Variants in DOCK4 observed in about 807,000 individuals in gnomAD.
The protein encoded by DOCK4 is dedicator of cytokinesis protein 4.
In DOCK4, 97 loss-of-function variants were observed where a neutral mutation model predicts 268.1. That is an observed-to-expected ratio of 0.36 (90% confidence interval 0.31 to 0.43). The LOEUF (loss-of-function observed/expected upper bound fraction) is 0.43, where lower values mean the gene tolerates loss of function less well. DOCK4 is among the 20% of genes least tolerant of loss of function. The probability of loss-of-function intolerance (pLI) is 1.00; values close to 1 mark genes in which losing one functional copy is unlikely to be tolerated. For missense variants in DOCK4, 2,145 were observed against 2,455.7 expected (o/e 0.87, Z 2.67); for synonymous variants, 954 against 887.2 (o/e 1.08, Z -1.34).
At chr7:112,127,164 T>C (rs1813300190) in intron 1 of DOCK4, among the ~76,000 whole-genome samples, 1 of 151,204 alleles carries the variant, frequency 6.6e-6, no homozygotes, top group African/African-American at 2.4e-5. Flanking sequence ...CCAACCCAAA[T>C]GTCCAACAAT....
At chr7:111,925,451 T>C (rs1793526839) in intron 12 of DOCK4, among the ~76,000 whole-genome samples, 1 of 152,098 alleles carries the variant, frequency 6.6e-6, no homozygotes, top group African/African-American at 2.4e-5. Flanking sequence ...AGTGAGACAA[T>C]ACTATCGGAA....
intron 8 of DOCK4, among the ~76,000 whole-genome samples, chr7:111,963,288 T>G (rs1242351459): frequency 6.8e-6 from 1 of 147,640 alleles, no homozygotes; most frequent in South Asian, 2.2e-4. Flanking sequence ...CATTTCCATC[T>G]GAGGTACCGG....
intron 1 of DOCK4, among the ~76,000 whole-genome samples, chr7:112,139,699 T>C (rs927275673): frequency 2.6e-5 from 4 of 152,150 alleles, no homozygotes; most frequent in Non-Finnish European, 4.4e-5. Context: ...CATATACATA[T>C]AGTCAAGGTG....
intron 3 of DOCK4, 86 bp from the exon 4 acceptor site, chr7:111,998,589 A>G: frequency 1.1e-6 from 1 of 906,934 alleles, no homozygotes; most frequent in Non-Finnish European, 1.6e-6. Flanking sequence ...ACAGCCATAC[A>G]ACCATGACAA....
intron 1 of DOCK4, 52 bp downstream of exon 1, chr7:112,206,050 G>A (rs1292086500): frequency 6.5e-7 from 1 of 1,547,540 alleles, no homozygotes; most frequent in Non-Finnish European, 8.8e-7. Context: ...GACGAGAAAT[G>A]CGCACTCGCT....
intron 1 of DOCK4, among the ~76,000 whole-genome samples, chr7:112,091,492 G>T (rs1481554969): frequency 1.3e-5 from 2 of 152,108 alleles, no homozygotes; most frequent in African/African-American, 4.8e-5. Context: ...CTGAAAACAG[G>T]CTTTTAGAAT....
chr7:112,042,792 C>T lies in DOCK4; in HGVS notation c.38-38661G>A, dbSNP rs534094835. ...TTGAAATGTGATTGCCATCATGGCA[C>T]GGTTGGGAGGTGGTGGGGCCTTCAA... On this transcript the variant is annotated intron_variant, in intron 1 of 52. Coordinates refer to ENST00000428084, the MANE Select transcript of DOCK4 (RefSeq NM_001363540.2). 5.3e-5 allele frequency among the ~76,000 whole-genome samples: 8 copies of T among 152,228 alleles called. No individual in the cohort carries two copies. The South Asian group carries it at 1.2e-3, about 24-fold the overall frequency.
chr7:111,733,901 T>C (rs1474385206), intron 51 of DOCK4, among the ~76,000 whole-genome samples: 2 of 152,200 alleles, frequency 1.3e-5, no homozygotes, highest in Admixed American at 1.3e-4. Context: ...GTGACTTGAC[T>C]TTTGGCTTTG....
intron 13 of DOCK4, among the ~76,000 whole-genome samples, chr7:111,914,448 A>G (rs1792413505): frequency 6.6e-6 from 1 of 152,180 alleles, no homozygotes; most frequent in African/African-American, 2.4e-5. Flanking sequence ...CAAAGTGCTG[A>G]GTGTGACCTA....
chr7:111,822,280 A>T, intron 27 of DOCK4, 82 bp downstream of exon 27: 1 of 1,205,874 alleles, frequency 8.3e-7, no homozygotes. Context: ...TGCAAACTTG[A>T]GATCAAATGA....
chr7:111,963,234 C>T (rs1183199210), intron 8 of DOCK4, among the ~76,000 whole-genome samples: 1 of 151,634 alleles, frequency 6.6e-6, no homozygotes, highest in Admixed American at 6.6e-5. Flanking sequence ...CAGCTCCGGA[C>T]TACAGCTCCC....
Position 112,000,515 on chromosome 7 carries a change from G to A in DOCK4, c.141C>T (p.Ala47=), listed in dbSNP as rs771891013. The A allele has an allele frequency of 6.4e-6, 10 of 1,550,688 alleles. No homozygotes were observed. In the African/African-American group the frequency reaches 9.5e-5, roughly 15 times the overall value. The change falls in exon 3 of 53, where the codon GCC becomes GCT. Residue 47 remains alanine (A), a synonymous_variant. Coordinates refer to ENST00000428084, the MANE Select transcript of DOCK4 (RefSeq NM_001363540.2). The stretch of plus-strand genomic sequence containing the variant: ...TTACCTTGATATTTGGGTTTTTTAA[G>A]GCAAATCCTCTGTACCAGCCTGTGG... ...EKCDGWYRGF[A]LKNPNIKGIF...
chr7:111,780,168 A>T (rs990474835), intron 35 of DOCK4, among the ~76,000 whole-genome samples: 1 of 152,210 alleles, frequency 6.6e-6, no homozygotes, highest in African/African-American at 2.4e-5. Flanking sequence ...TATCAAATGT[A>T]CTTTCCGCCC....
chr7:111,877,064 T>C lies in DOCK4; in HGVS notation c.1710A>G (p.Thr570=). The C allele has an allele frequency of 1.9e-6, 3 of 1,571,382 alleles. No homozygotes were observed. Among genetic ancestry groups the C allele is most frequent in the Non-Finnish European group, 1.7e-6 (2 of 1,161,474 alleles). The change falls in exon 17 of 53, where the codon ACA becomes ACG. Residue 570 remains threonine (T), a synonymous_variant. Coordinates refer to ENST00000428084, the MANE Select transcript of DOCK4 (RefSeq NM_001363540.2). ...TGAGTTTTGTGGAACAGAGAAAAGA[T>C]GTAATACAAAAGGACTCCTTTGTGG... The part of the protein sequence containing the change: ...MKATKESFCI[T]SFLCSTKLTQ...
intron 12 of DOCK4, among the ~76,000 whole-genome samples, chr7:111,934,591 G>A (rs561529864): frequency 1.1e-4 from 16 of 143,978 alleles, no homozygotes; most frequent in Admixed American, 5.0e-4. Flanking sequence ...GTGCAGTGGC[G>A]CGACCTTGGC....
chr7:112,117,796 G>A (rs763271022), intron 1 of DOCK4, among the ~76,000 whole-genome samples: 4 of 152,136 alleles, frequency 2.6e-5, no homozygotes, highest in Non-Finnish European at 4.4e-5. Flanking sequence ...AGCAGCATTC[G>A]TGTTATGGCA....
chr7:111,741,649 A>T lies in DOCK4; in HGVS notation c.4810T>A (p.Cys1604Ser). ...AAATGGACAGGACTGGCTTGCATACAAGCAGAGAACTCCTAAAGATGTAGT... is the reference window on the plus strand; with the variant it reads ...AAATGGACAGGACTGGCTTGCATACTAGCAGAGAACTCCTAAAGATGTAGT... ...SSLGIQEFSA[C>S]MQASPVHFPN... Residue 1604 changes from cysteine (C) to serine (S), a missense_variant, in exon 46 of 53, where the codon TGT (cysteine) becomes AGT (serine). By Grantham distance (112) the Cys-to-Ser change is moderately radical (BLOSUM62 -1). Transcript: ENST00000428084. 6.2e-7 allele frequency: 1 copy of T among 1,612,930 alleles called. No individual in the cohort carries two copies. Among genetic ancestry groups the T allele is most frequent in the Non-Finnish European group, 8.5e-7 (1 of 1,179,598 alleles).
intron 1 of DOCK4, among the ~76,000 whole-genome samples, chr7:112,007,708 G>A (rs760396930): frequency 1.1e-4 from 17 of 152,128 alleles, no homozygotes; most frequent in Non-Finnish European, 2.2e-4. Flanking sequence ...AGCATATAAT[G>A]TATCATAAAC....
At chr7:112,055,824 C>T (rs1332872289) in intron 1 of DOCK4, among the ~76,000 whole-genome samples, 1 of 151,718 alleles carries the variant, frequency 6.6e-6, no homozygotes, top group Non-Finnish European at 1.5e-5. Flanking sequence ...AGGAGAATTG[C>T]TTGAACCTGG....
Sources: gnomAD v4.1 joint callset for allele counts (sites outside exome capture counted in the v4.1 genomes callset) on GRCh38, gnomAD v4.1.1 for gene constraint, MANE v1.5 for transcripts, NCBI Gene and HGNC (gene_info 2026-07-23, HGNC 2026-07-21) for gene names.